UNC5C: variants seen among roughly 807,000 people sequenced by gnomAD.
UNC5C encodes the protein unc-5 netrin receptor C.
A neutral mutation model predicts 99.8 loss-of-function variants in UNC5C; 47 were observed. The observed-to-expected ratio is 0.47, with a 90% confidence interval of 0.37 to 0.60. The LOEUF is 0.60. Among genes scored for constraint, UNC5C ranks in the 20% least tolerant of loss-of-function variants. The probability of loss-of-function intolerance (pLI) is 0.00; values close to 1 mark genes in which losing one functional copy is unlikely to be tolerated. For synonymous variants in UNC5C, 487 were observed against 452.2 expected, an observed-to-expected ratio of 1.08 and a Z score of -0.98; for missense variants, 1,062 against 1,165.9, an observed-to-expected ratio of 0.91 and a Z score of 1.30.
chr4:95,488,570 C>T (rs943070429), intron 1 of UNC5C, among the ~76,000 whole-genome samples: 8 of 151,586 alleles, frequency 5.3e-5, no homozygotes, highest in Admixed American at 1.3e-4. Context: ...TCTTAAGAAC[C>T]AATACTCTAT....
chr4:95,445,297 C>A (rs893640611), intron 1 of UNC5C, among the ~76,000 whole-genome samples: 3 of 151,148 alleles, frequency 2.0e-5, no homozygotes, highest in African/African-American at 7.3e-5. Context: ...GCCCTCCAAC[C>A]CTTTTTTTCC....
chr4:95,402,039 A>G (rs1002784375), intron 1 of UNC5C, among the ~76,000 whole-genome samples: 2 of 152,212 alleles, frequency 1.3e-5, no homozygotes, highest in East Asian at 3.9e-4. Context: ...GCAATTTCAC[A>G]TATCAATTAT....
At chr4:95,272,000 T>C (rs1378794506) in intron 4 of UNC5C, among the ~76,000 whole-genome samples, 1 of 152,216 alleles carries the variant, frequency 6.6e-6, no homozygotes, top group African/African-American at 2.4e-5. Context: ...CTTACTCAGA[T>C]CTTTTCAAGA....
intron 1 of UNC5C, among the ~76,000 whole-genome samples, chr4:95,530,633 G>A (rs760499667): frequency 6.6e-6 from 1 of 152,052 alleles, no homozygotes; most frequent in African/African-American, 2.4e-5. Context: ...AAATAACAAC[G>A]CTAAGTGCAT....
intron 1 of UNC5C, among the ~76,000 whole-genome samples, chr4:95,342,208 C>G (rs1269901856): frequency 6.6e-6 from 1 of 152,114 alleles, no homozygotes; most frequent in Non-Finnish European, 1.5e-5. Context: ...TGCCACCCCT[C>G]CCCTAACCAT....
chr4:95,378,173 G>A (rs572840113), intron 1 of UNC5C, among the ~76,000 whole-genome samples: 3 of 152,294 alleles, frequency 2.0e-5, no homozygotes, highest in African/African-American at 4.8e-5. Flanking sequence ...AAAGGAATAC[G>A]CTGATGGAAA....
chr4:95,457,266 A>T (rs1042282003), intron 1 of UNC5C, among the ~76,000 whole-genome samples: 5 of 152,114 alleles, frequency 3.3e-5, no homozygotes, highest in Non-Finnish European at 7.4e-5. Context: ...AAACAAATAT[A>T]CTTTAAAAAA....
At chr4:95,434,262 C>T (rs1746712772) in intron 1 of UNC5C, among the ~76,000 whole-genome samples, 1 of 152,022 alleles carries the variant, frequency 6.6e-6, no homozygotes. Context: ...TACAATAATG[C>T]ATCACATTAT....
intron 4 of UNC5C, among the ~76,000 whole-genome samples, chr4:95,259,163 T>A (rs1343830354): frequency 6.6e-6 from 1 of 152,128 alleles, no homozygotes; most frequent in African/African-American, 2.4e-5. Context: ...GGAGCTAATG[T>A]TTATGTCTCC....
At chr4:95,206,965 C>G (rs1176253045) in intron 10 of UNC5C, among the ~76,000 whole-genome samples, 169 bp from the exon 11 acceptor site, 1 of 146,290 alleles carries the variant, frequency 6.8e-6, no homozygotes, top group Non-Finnish European at 1.5e-5. Flanking sequence ...ATTAAATGCT[C>G]TCTATACCAA....
intron 1 of UNC5C, among the ~76,000 whole-genome samples, chr4:95,365,709 G>A (rs1340590267): frequency 6.6e-6 from 1 of 151,950 alleles, no homozygotes; most frequent in African/African-American, 2.4e-5. Flanking sequence ...GTTAAAATGA[G>A]ACATGTTCTA....
chr4:95,430,371 A>G (rs1176125947), intron 1 of UNC5C, among the ~76,000 whole-genome samples: 2 of 152,126 alleles, frequency 1.3e-5, no homozygotes, highest in African/African-American at 4.8e-5. Flanking sequence ...TCAAACATTA[A>G]TTTGTGGAAT....
intron 1 of UNC5C, among the ~76,000 whole-genome samples, chr4:95,339,842 T>C (rs964633376): frequency 6.6e-6 from 1 of 151,972 alleles, no homozygotes; most frequent in Non-Finnish European, 1.5e-5. Flanking sequence ...ATTTCCAGAG[T>C]TGCTTTTGTT....
At chr4:95,276,057 A>G (rs1188095365) in intron 4 of UNC5C, among the ~76,000 whole-genome samples, 1 of 152,230 alleles carries the variant, frequency 6.6e-6, no homozygotes. Context: ...CATTTATATT[A>G]GAAGGAAAAT....
At chr4:95,486,549 C>T (rs1560852652) in intron 1 of UNC5C, among the ~76,000 whole-genome samples, 1 of 151,644 alleles carries the variant, frequency 6.6e-6, no homozygotes, top group Admixed American at 6.6e-5. Flanking sequence ...ACACTTAACA[C>T]GCTGATCTCC....
chr4:95,302,504 G>A (rs898522848), intron 2 of UNC5C, among the ~76,000 whole-genome samples: 2 of 152,162 alleles, frequency 1.3e-5, no homozygotes, highest in African/African-American at 4.8e-5. Context: ...AATTATCAAG[G>A]CTGTTTCAGA....
intron 1 of UNC5C, among the ~76,000 whole-genome samples, chr4:95,480,587 G>A (rs1341939963): frequency 2.0e-5 from 3 of 151,854 alleles, no homozygotes; most frequent in Non-Finnish European, 4.4e-5. Context: ...AATGGAATTC[G>A]CTGCAACAGA....
intron 1 of UNC5C, among the ~76,000 whole-genome samples, chr4:95,363,894 G>C (rs1384981651): frequency 6.6e-6 from 1 of 152,148 alleles, no homozygotes; most frequent in Non-Finnish European, 1.5e-5. Context: ...ACCATACGTA[G>C]ATGCTGAATC....
At chr4:95,324,893 C>T (rs903866147) in intron 2 of UNC5C, among the ~76,000 whole-genome samples, 5 of 152,170 alleles carry the variant, frequency 3.3e-5, no homozygotes, top group African/African-American at 1.2e-4. Flanking sequence ...TTATAAACTA[C>T]CCAGGCTGTG....
Sources: gnomAD v4.1 joint callset for allele counts (sites outside exome capture counted in the v4.1 genomes callset) on GRCh38, gnomAD v4.1.1 for gene constraint, MANE v1.5 for transcripts, NCBI Gene and HGNC (gene_info 2026-07-23, HGNC 2026-07-21) for gene names.